The following UBE2K variants were observed in gnomAD, a reference collection of about 807,000 sequenced individuals.
UBE2K encodes ubiquitin conjugating enzyme E2 K, also known as ubiquitin-conjugating enzyme E2 K.
In UBE2K, 6 loss-of-function variants were observed where a neutral mutation model predicts 30.0. The observed-to-expected ratio is 0.20, with a 90% CI of 0.11 to 0.39. UBE2K has a LOEUF of 0.39. UBE2K is among the 10% of genes least tolerant of loss of function. The pLI, the probability that UBE2K is intolerant of heterozygous loss-of-function variation, is 1.00. For synonymous variants in UBE2K, 86 were observed against 83.7 expected (o/e 1.03, Z -0.15); for missense variants, 61 against 241.6 (o/e 0.25, Z 4.96).
chr4:39,764,926 G>T (rs1355722842), intron 4 of UBE2K, among the ~76,000 whole-genome samples: 1 of 151,000 alleles, frequency 6.6e-6, no homozygotes, highest in African/African-American at 2.4e-5. Context: ...TCACTCTGTG[G>T]CCCAGGCTGG....
Position 39,778,555 on chromosome 4 carries a change from T to A in UBE2K, c.*121T>A. On this transcript the variant is annotated 3_prime_UTR_variant, in exon 7 of 7. Transcript: ENST00000261427. ...GGCATTCTTGCCTAATGATGTTATC[T>A]AGGCACCATTGGAGACTGAAAAAAA... The A allele has an allele frequency of 1.7e-6, 1 of 579,118 alleles. No individual in the cohort carries two copies. The highest frequency in any genetic ancestry group is 3.0e-6 in the Non-Finnish European group (1 of 335,200). 35.9% of individuals were successfully genotyped at this position (579,118 alleles called of 1,614,324 possible). A position where few individuals can be genotyped will look rare whatever the true frequency, so the allele number is the denominator to read the frequency against.
intron 2 of UBE2K, among the ~76,000 whole-genome samples, chr4:39,743,322 G>A (rs1344876135): frequency 6.6e-6 from 1 of 152,054 alleles, no homozygotes; most frequent in African/African-American, 2.4e-5. Flanking sequence ...AAGAAGAATA[G>A]GCCAGGCGCA....
intron 3 of UBE2K, among the ~76,000 whole-genome samples, chr4:39,753,001 C>T (rs1474803001): frequency 6.6e-6 from 1 of 151,996 alleles, no homozygotes; most frequent in African/African-American, 2.4e-5. Context: ...GCCTGGGCAA[C>T]GGGAGTGAGA....
Position 39,771,263 on chromosome 4 carries a change from G to T in UBE2K, c.300-3571G>T, listed in dbSNP as rs1048733146. 19 of 1,611,328 alleles carry T rather than the reference G, an allele frequency of 1.2e-5. No individual in the cohort carries two copies. In the Admixed American group the frequency reaches 3.0e-4, roughly 26 times the overall value. On this transcript the variant is annotated intron_variant, in intron 4 of 6. Coordinates refer to ENST00000261427, the MANE Select transcript of UBE2K (RefSeq NM_005339.5). ...CTGGGGTTAAGCAGGAACTGGTCCC[G>T]CAGGAACGGTGAGCAGGCGGCTAAG...
intron 3 of UBE2K, among the ~76,000 whole-genome samples, chr4:39,748,355 A>G (rs1379537838): frequency 2.0e-5 from 3 of 152,284 alleles, no homozygotes; most frequent in Non-Finnish European, 4.4e-5. Context: ...TGGCCTCCCA[A>G]AGTGCTGGGA....
rs1037585441 is a variant in UBE2K, at chr4:39,712,861, C to G, written c.63+14471C>G. Among the ~76,000 whole-genome samples, 324 of 133,704 alleles carry G rather than the reference C, an allele frequency of 2.4e-3. 1 individual carries two copies. The highest frequency in any genetic ancestry group is 4.2e-3 in the Non-Finnish European group (259 of 61,872). The allele number at this position is 133,704 out of a possible 152,430, so 87.7% of individuals were successfully genotyped here. A position where few individuals can be genotyped will look rare whatever the true frequency, so the allele number is the denominator to read the frequency against. ...TAGGCTTTTGTAAATTTAGTGTTTA[C>G]TTTTTTTTTTTTTTTTTTAAATGAG... is the stretch of plus-strand genomic sequence containing the variant. On this transcript the variant is annotated intron_variant, in intron 1 of 6. Transcript: ENST00000261427.
At chr4:39,775,826 T>C (rs1245215045) in intron 5 of UBE2K, among the ~76,000 whole-genome samples, 1 of 152,018 alleles carries the variant, frequency 6.6e-6, no homozygotes, top group Non-Finnish European at 1.5e-5. Flanking sequence ...ACTTAGAAAG[T>C]TTTTCTTCTC....
intron 2 of UBE2K, among the ~76,000 whole-genome samples, chr4:39,743,734 T>C (rs1385196591): frequency 6.6e-6 from 1 of 152,222 alleles, no homozygotes; most frequent in African/African-American, 2.4e-5. Context: ...TAAATAAATA[T>C]TTCAATAGAA....
Position 39,770,166 on chromosome 4 carries a change from C to T in UBE2K, c.300-4668C>T, listed in dbSNP as rs980377256. The T allele has an allele frequency of 5.8e-5, 93 of 1,606,720 alleles. 1 individual carries two copies. Among genetic ancestry groups the T allele is most frequent in the East Asian group, 4.5e-5 (2 of 44,786 alleles). ...CTTGCCGTGTTGCTCCTTGAGATGCCGCCTAATGGCAGGCTTGTGGGCGAA... is the reference window on the plus strand; with the variant it reads ...CTTGCCGTGTTGCTCCTTGAGATGCTGCCTAATGGCAGGCTTGTGGGCGAA... On this transcript the variant is annotated intron_variant, in intron 4 of 6. Coordinates refer to ENST00000261427, the MANE Select transcript of UBE2K (RefSeq NM_005339.5).
Position 39,780,786 on chromosome 4 carries a change from A to G in UBE2K, c.*2352A>G, listed in dbSNP as rs2109423632. 6.6e-6 allele frequency: 1 copy of G among 152,244 alleles called. No individual in the cohort carries two copies. Among genetic ancestry groups the G allele is most frequent in the South Asian group, 2.1e-4 (1 of 4,828 alleles). 9.4% of individuals were successfully genotyped at this position (152,244 alleles called of 1,614,324 possible). On this transcript the variant is annotated 3_prime_UTR_variant, in exon 7 of 7. Transcript: ENST00000261427. ...GTTACCCAAACATAGAAACTAAAGC[A>G]ATTGCTTTTTTCCTCTGGTCTTAAA...
At chr4:39,712,877 T>G (rs1390948430) in intron 1 of UBE2K, among the ~76,000 whole-genome samples, 1 of 151,740 alleles carries the variant, frequency 6.6e-6, no homozygotes, top group African/African-American at 2.4e-5. Context: ...TTTTTTTTTT[T>G]TTAAATGAGA....
At chr4:39,774,486 C>A (rs1713160640) in intron 4 of UBE2K, among the ~76,000 whole-genome samples, 1 of 148,554 alleles carries the variant, frequency 6.7e-6, no homozygotes, top group Non-Finnish European at 1.5e-5. Flanking sequence ...TAAGGCGGGC[C>A]CCTGTAGTCT....
At chr4:39,757,150 C>T (rs892037998) in intron 4 of UBE2K, among the ~76,000 whole-genome samples, 3 of 151,702 alleles carry the variant, frequency 2.0e-5, no homozygotes, top group African/African-American at 7.3e-5. Flanking sequence ...CTTAGCCTCC[C>T]GAGTAGCTGG....
chr4:39,703,611 G>A (rs1046149288), intron 1 of UBE2K, among the ~76,000 whole-genome samples: 7 of 151,970 alleles, frequency 4.6e-5, no homozygotes, highest in African/African-American at 1.4e-4. Context: ...CACTTTGGGA[G>A]GCCTAGGCAG....
chr4:39,741,225 C>T (rs867569878), intron 2 of UBE2K, among the ~76,000 whole-genome samples: 48 of 151,348 alleles, frequency 3.2e-4, no homozygotes, highest in South Asian at 6.3e-4. Flanking sequence ...GAGCTGAGAT[C>T]GCACCACTGC....
intron 1 of UBE2K, among the ~76,000 whole-genome samples, chr4:39,716,198 C>G (rs1435902800): frequency 6.6e-6 from 1 of 152,040 alleles, no homozygotes; most frequent in African/African-American, 2.4e-5. Context: ...TTTTTTATTC[C>G]TTTTGTTAAT....
At chr4:39,766,446 G>T (rs1356923780) in intron 4 of UBE2K, among the ~76,000 whole-genome samples, 4 of 150,406 alleles carry the variant, frequency 2.7e-5, no homozygotes, top group Admixed American at 2.6e-4. Flanking sequence ...AGAAACGTCT[G>T]TTCACATCCC....
intron 4 of UBE2K, among the ~76,000 whole-genome samples, chr4:39,760,197 A>ACAGG (rs1314207044): frequency 2.4e-4 from 2 of 8,170 alleles, no homozygotes; most frequent in East Asian, 0.04. Context: ...AAAAAACAGA[A>ACAGG]AAAAAAAAAA....
rs568905795 is a variant in UBE2K, at chr4:39,767,155, T to C, written c.300-7679T>C. 3.3e-4 allele frequency among the ~76,000 whole-genome samples: 51 copies of C among 152,354 alleles called. No individual in the cohort carries two copies. The South Asian group carries it at 9.9e-3, about 30-fold the overall frequency. On this transcript the variant is annotated intron_variant, in intron 4 of 6. Transcript: ENST00000261427. Reference sequence around the variant, plus strand: ...TCCAAGGAATCATTGCCAAATTCAGTGTCATGAAGTTTTCTCCCTTATGTT... The same window carrying C: ...TCCAAGGAATCATTGCCAAATTCAGCGTCATGAAGTTTTCTCCCTTATGTT...
Sources: gnomAD v4.1 joint callset for allele counts (sites outside exome capture counted in the v4.1 genomes callset) on GRCh38, gnomAD v4.1.1 for gene constraint, MANE v1.5 for transcripts, NCBI Gene and HGNC (gene_info 2026-07-23, HGNC 2026-07-21) for gene names.